ACYP2: variants seen among roughly 807,000 people sequenced by gnomAD.
The protein encoded by ACYP2 is acylphosphatase 2, also known as acylphosphatase-2.
A neutral mutation model predicts 11.2 loss-of-function variants in ACYP2; 12 were observed. The ratio of observed to expected loss-of-function variants is 1.08; its 90% CI spans 0.69 to 1.74. The LOEUF is 1.74. ACYP2 is among the 40% of genes most tolerant of loss of function. ACYP2 has a pLI of 0.00. For missense variants in ACYP2, 134 were observed against 101.9 expected, an observed-to-expected ratio of 1.31 and a Z score of -1.35; for synonymous variants, 43 against 32.2, an observed-to-expected ratio of 1.33 and a Z score of -1.13.
chr2:54,108,929 C>G (rs1228857365), intron 4 of ACYP2, among the ~76,000 whole-genome samples: 1 of 151,812 alleles, frequency 6.6e-6, no homozygotes, highest in Non-Finnish European at 1.5e-5. Flanking sequence ...TTATTTCTTC[C>G]TCTGGAAATG....
intron 6 of ACYP2, among the ~76,000 whole-genome samples, chr2:54,189,364 A>G (rs891928616): frequency 2.0e-5 from 3 of 152,016 alleles, no homozygotes; most frequent in Admixed American, 6.6e-5. Context: ...CTTATTCTCT[A>G]ACTTTGTATA....
chr2:54,257,105 G>A (rs1490780864), intron 6 of ACYP2, among the ~76,000 whole-genome samples: 1 of 152,114 alleles, frequency 6.6e-6, no homozygotes, highest in Non-Finnish European at 1.5e-5. Context: ...TGGGCACAGT[G>A]CCTCACACCT....
At chr2:54,194,132 A>G (rs1684353417) in intron 6 of ACYP2, among the ~76,000 whole-genome samples, 1 of 152,044 alleles carries the variant, frequency 6.6e-6, no homozygotes, top group Non-Finnish European at 1.5e-5. Context: ...TCTGTCTCCC[A>G]GGTTCAAGTG....
chr2:54,185,385 G>T (rs181776199), intron 6 of ACYP2, among the ~76,000 whole-genome samples: 1 of 152,320 alleles, frequency 6.6e-6, no homozygotes, highest in Admixed American at 6.5e-5. Flanking sequence ...AGAGCTGGAA[G>T]ATAGGAGATG....
At chr2:54,113,304 A>G (rs1164023807) in intron 4 of ACYP2, among the ~76,000 whole-genome samples, 1 of 148,638 alleles carries the variant, frequency 6.7e-6, no homozygotes, top group East Asian at 2.0e-4. Flanking sequence ...CAGTGGCCCC[A>G]TCTCGGTTCA....
At chr2:54,292,799 C>T (rs544556937) in intron 6 of ACYP2, among the ~76,000 whole-genome samples, 1 of 152,218 alleles carries the variant, frequency 6.6e-6, no homozygotes, top group Non-Finnish European at 1.5e-5. Flanking sequence ...ATATTTGTGA[C>T]ATGTCATTTT....
chr2:54,255,346 T>C (rs770337470), intron 6 of ACYP2: 1 of 1,614,160 alleles, frequency 6.2e-7, no homozygotes, highest in South Asian at 1.1e-5. Flanking sequence ...CTCGGCATCT[T>C]GGCCTCTAAT....
intron 4 of ACYP2, among the ~76,000 whole-genome samples, chr2:54,064,040 G>T (rs1166637071): frequency 6.6e-6 from 1 of 152,142 alleles, no homozygotes; most frequent in Non-Finnish European, 1.5e-5. Context: ...TTGAGACGGG[G>T]TCTCGCTATT....
chr2:54,256,856 C>A (rs1433119711), intron 6 of ACYP2, among the ~76,000 whole-genome samples: 1 of 151,826 alleles, frequency 6.6e-6, no homozygotes, highest in South Asian at 2.1e-4. Flanking sequence ...TTAGTCAAGA[C>A]ATGGTTTTGC....
At chr2:54,030,680 T>G in intron 2 of ACYP2, 1 of 191,658 alleles carries the variant, frequency 5.2e-6, no homozygotes, top group Admixed American at 4.6e-5. Flanking sequence ...TTGTGTTCGT[T>G]ATTTTGGCGA....
chr2:54,095,668 C>A (rs1453939187), intron 4 of ACYP2, among the ~76,000 whole-genome samples: 1 of 131,382 alleles, frequency 7.6e-6, no homozygotes, highest in East Asian at 2.5e-4. Flanking sequence ...GGGCTGACCC[C>A]CCCACCTCCC....
At chr2:54,100,667 G>A (rs1021071016) in intron 4 of ACYP2, among the ~76,000 whole-genome samples, 3 of 151,820 alleles carry the variant, frequency 2.0e-5, no homozygotes, top group South Asian at 2.1e-4. Flanking sequence ...ATTTTAACTC[G>A]TTTCCTATTT....
intron 6 of ACYP2, among the ~76,000 whole-genome samples, chr2:54,163,526 C>T (rs142218116): frequency 2.8e-3 from 420 of 152,236 alleles, no homozygotes; most frequent in African/African-American, 9.3e-3. Flanking sequence ...AGTTTTCAGA[C>T]AAAATAATTT....
chr2:54,185,984 T>C (rs1349791699), intron 6 of ACYP2, among the ~76,000 whole-genome samples: 2 of 151,710 alleles, frequency 1.3e-5, no homozygotes, highest in Non-Finnish European at 2.9e-5. Flanking sequence ...ATTTGAAATA[T>C]AAAACACTGC....
intron 6 of ACYP2, among the ~76,000 whole-genome samples, chr2:54,198,812 T>A (rs1180580151): frequency 6.6e-6 from 1 of 152,174 alleles, no homozygotes; most frequent in Non-Finnish European, 1.5e-5. Context: ...AGTTCATACA[T>A]GCATATGTAC....
intron 2 of ACYP2, among the ~76,000 whole-genome samples, chr2:54,024,016 T>G (rs1449088722): frequency 6.6e-6 from 1 of 152,152 alleles, no homozygotes; most frequent in Non-Finnish European, 1.5e-5. Context: ...GCAATATCCC[T>G]GATGAACATA....
chr2:54,010,353 G>A (rs1673290857), intron 2 of ACYP2, among the ~76,000 whole-genome samples: 1 of 152,006 alleles, frequency 6.6e-6, no homozygotes, highest in Admixed American at 6.6e-5. Flanking sequence ...GTGTGGTGGT[G>A]GGCACCTGTA....
intron 6 of ACYP2, among the ~76,000 whole-genome samples, chr2:54,140,780 T>G (rs981023290): frequency 6.6e-6 from 1 of 152,182 alleles, no homozygotes; most frequent in Non-Finnish European, 1.5e-5. Flanking sequence ...TCTGTCTTGT[T>G]TTTTGCAATA....
chr2:54,117,067 G>C (rs886133283), intron 4 of ACYP2, among the ~76,000 whole-genome samples: 1 of 152,074 alleles, frequency 6.6e-6, no homozygotes, highest in African/African-American at 2.4e-5. Context: ...GAGGCGAGGA[G>C]AACGAGGAAG....
Sources: allele counts gnomAD v4.1 joint callset (sites outside exome capture counted in the v4.1 genomes callset), GRCh38; gene constraint gnomAD v4.1.1; transcripts MANE v1.5; gene names NCBI Gene and HGNC (gene_info 2026-07-23, HGNC 2026-07-21).